MYL1: variants seen among roughly 807,000 people sequenced by gnomAD.
MYL1 encodes myosin light chain 1.
Under a neutral mutation model 21.8 loss-of-function variants are expected in MYL1, and 16 were observed. The ratio of observed to expected loss-of-function variants is 0.74; its 90% CI spans 0.50 to 1.12. The LOEUF (loss-of-function observed/expected upper bound fraction) is 1.12. Among genes scored for constraint, MYL1 ranks in the 50% most tolerant of loss-of-function variants. MYL1 has a pLI of 0.00. For synonymous variants in MYL1, 99 were observed against 85.2 expected, an observed-to-expected ratio of 1.16 and a Z score of -0.89; for missense variants, 246 against 241.0, an observed-to-expected ratio of 1.02 and a Z score of -0.14.
intron 1 of MYL1, among the ~76,000 whole-genome samples, chr2:210,307,680 T>A (rs1372784621): frequency 6.6e-6 from 1 of 152,176 alleles, no homozygotes; most frequent in Non-Finnish European, 1.5e-5. Context: ...TCAATTGATG[T>A]CGGATTTAGG....
At chr2:210,304,425 T>C (rs1690309394) in intron 1 of MYL1, among the ~76,000 whole-genome samples, 1 of 152,242 alleles carries the variant, frequency 6.6e-6, no homozygotes, top group Admixed American at 6.5e-5. Flanking sequence ...AAGTTCTTAC[T>C]AGATCATGCT....
intron 2 of MYL1, among the ~76,000 whole-genome samples, chr2:210,298,912 A>G (rs1003282346): frequency 3.3e-5 from 5 of 152,180 alleles, no homozygotes; most frequent in African/African-American, 7.2e-5. Flanking sequence ...AATCTCTCAT[A>G]TAATTAACAA....
At chr2:210,291,948 C>T (rs909514448) in intron 5 of MYL1, among the ~76,000 whole-genome samples, 10 of 152,162 alleles carry the variant, frequency 6.6e-5, no homozygotes, top group Non-Finnish European at 1.2e-4. Flanking sequence ...TAACAACATG[C>T]ATTCCCATCA....
At chr2:210,314,582 C>G (rs1369598568) in intron 1 of MYL1, among the ~76,000 whole-genome samples, 1 of 152,090 alleles carries the variant, frequency 6.6e-6, no homozygotes, top group African/African-American at 2.4e-5. Flanking sequence ...TATTTAAACC[C>G]AAACACTGGT....
intron 2 of MYL1, among the ~76,000 whole-genome samples, chr2:210,302,147 A>G (rs1690273123): frequency 2.0e-5 from 3 of 152,168 alleles, no homozygotes; most frequent in African/African-American, 7.2e-5. Flanking sequence ...TAAGGATTAT[A>G]TTAGCAATTT....
At position 210,298,486 on chromosome 2, in the gene MYL1, G is replaced by T. The variant is rs1309787392; in HGVS notation, c.238C>A (p.Arg80=). 5.0e-6 allele frequency: 8 copies of T among 1,614,022 alleles called. No individual in the cohort carries two copies. Among genetic ancestry groups the T allele is most frequent in the Non-Finnish European group, 6.8e-6 (8 of 1,180,002 alleles). ...TTGGTGGGATTTGTGCCCAGAGCTC[G>T]AAGGACATCACCGACCTGGCTTAAG... is the stretch of plus-strand genomic sequence containing the variant. ...ITLSQVGDVL[R]ALGTNPTNAE... Residue 80 remains arginine, a synonymous_variant, in exon 3 of 7, where the codon CGA becomes AGA. Coordinates refer to ENST00000352451, the MANE Select transcript of MYL1 (RefSeq NM_079420.3).
chr2:210,292,788 G>A (rs1159521123), intron 5 of MYL1, among the ~76,000 whole-genome samples: 4 of 152,102 alleles, frequency 2.6e-5, no homozygotes, highest in Non-Finnish European at 5.9e-5. Context: ...TTTGAAATTT[G>A]TCTTGGCATA....
rs879843700 is a variant in MYL1 at position 210,294,123 on chromosome 2, A to ATT, written c.478+120_478+121dup. 4 of 1,066,304 alleles carry ATT rather than the reference A, an allele frequency of 3.8e-6. No individual in the cohort carries two copies. The South Asian group carries it at 5.7e-5, about 15-fold the overall frequency. The allele number at this position is 1,066,304 out of a possible 1,614,324, so 66.1% of individuals were successfully genotyped here. On this transcript the variant is annotated intron_variant, in intron 4 of 6. Coordinates refer to ENST00000352451, the MANE Select transcript of MYL1 (RefSeq NM_079420.3). ...TTGAAATGGTCATTAACTTTTGACT[A>ATT]TTTTTTTTTCCCATTTTCCCTTTGT...
chr2:210,295,885 G>T (rs1348541139), intron 3 of MYL1, among the ~76,000 whole-genome samples: 1 of 150,984 alleles, frequency 6.6e-6, no homozygotes, highest in African/African-American at 2.4e-5. Flanking sequence ...CCTATTGCTT[G>T]CTCACTTTAT....
At chr2:210,302,576 A>G (rs762451272) in intron 1 of MYL1, 61 bp from the exon 2 acceptor site, 45 of 1,564,522 alleles carry the variant, frequency 2.9e-5, no homozygotes, top group Admixed American at 1.1e-4. Context: ...GCTGATTTTT[A>G]GTTGTATCCA....
intron 3 of MYL1, among the ~76,000 whole-genome samples, chr2:210,296,889 C>T (rs1690181476): frequency 1.3e-5 from 2 of 151,980 alleles, no homozygotes; most frequent in Non-Finnish European, 2.9e-5. Context: ...GTAGACTTAT[C>T]TTTCCATCCC....
chr2:210,307,514 A>G (rs1690355304), intron 1 of MYL1, among the ~76,000 whole-genome samples: 1 of 152,124 alleles, frequency 6.6e-6, no homozygotes, highest in Non-Finnish European at 1.5e-5. Flanking sequence ...TATTTGTAGC[A>G]CCTTCCTTTA....
Position 210,315,144 on chromosome 2 carries a change from C to T in MYL1, c.-102G>A, listed in dbSNP as rs1690477186. The T allele has an allele frequency of 7.1e-7, 1 of 1,418,400 alleles. No individual in the cohort carries two copies. Among genetic ancestry groups the T allele is most frequent in the Non-Finnish European group, 9.6e-7 (1 of 1,038,336 alleles). 87.9% of individuals were successfully genotyped at this position (1,418,400 alleles called of 1,614,324 possible). ...GAGTGGTGGTTGGGTTGATCCACAG[C>T]CCAGTGTCTTGAAGATGGACCCAGA... On this transcript the variant is annotated 5_prime_UTR_variant, in exon 1 of 7. Coordinates refer to ENST00000352451, the MANE Select transcript of MYL1 (RefSeq NM_079420.3).
At chr2:210,291,504 CTGGT>C (rs1278892100) in intron 5 of MYL1, among the ~76,000 whole-genome samples, 1 of 152,194 alleles carries the variant, frequency 6.6e-6, no homozygotes, top group Non-Finnish European at 1.5e-5. Context: ...TGCTAGGCAA[CTGGT>C]TCCCCTTTTT....
At chr2:210,301,029 G>T (rs966048362) in intron 2 of MYL1, among the ~76,000 whole-genome samples, 1 of 152,126 alleles carries the variant, frequency 6.6e-6, no homozygotes, top group Non-Finnish European at 1.5e-5. Flanking sequence ...TTCACAGATG[G>T]AATAAAAGGT....
intron 1 of MYL1, 27 bp from the exon 2 acceptor site, chr2:210,302,542 A>C: frequency 6.2e-7 from 1 of 1,605,306 alleles, no homozygotes; most frequent in Non-Finnish European, 8.5e-7. Flanking sequence ...GACCACAAAG[A>C]ATGTTTTAAC....
rs763993934 is a variant in MYL1 at position 210,302,484 on chromosome 2, T to C, written c.160+4A>G. ...CATTTAAGAACCATAGCTTTTAAACTTACCATCCTGCTGTTCCTTAGAGAA... is the reference window on the plus strand; with the variant it reads ...CATTTAAGAACCATAGCTTTTAAACCTACCATCCTGCTGTTCCTTAGAGAA... On this transcript the variant is annotated splice_donor_region_variant and intron_variant, in intron 2 of 6. Coordinates refer to ENST00000352451, the MANE Select transcript of MYL1 (RefSeq NM_079420.3). 1 of 1,608,668 alleles carries C rather than the reference T, an allele frequency of 6.2e-7. No homozygotes were observed. The highest frequency in any genetic ancestry group is 1.1e-5 in the South Asian group (1 of 89,894).
In MYL1 at chr2:210,299,018, T is replaced by G. The variant is rs1259772994; in HGVS notation, c.161-455A>C. Among the ~76,000 whole-genome samples, 16 of 152,192 alleles carry G rather than the reference T, an allele frequency of 1.1e-4. 1 individual carries two copies. The highest frequency in any genetic ancestry group is 1.0e-3 in the Admixed American group (16 of 15,272). On this transcript the variant is annotated intron_variant, in intron 2 of 6. Transcript: ENST00000352451. ...CAAATTATGTAGAAAAACCTCCTCT[T>G]GGGTACAAATTTCCTAGGTTATCCC...
At chr2:210,313,191 T>C (rs1281975814) in intron 1 of MYL1, among the ~76,000 whole-genome samples, 1 of 151,990 alleles carries the variant, frequency 6.6e-6, no homozygotes, top group Non-Finnish European at 1.5e-5. Flanking sequence ...CCTGTTTTCA[T>C]TAGTTAGATA....
Sources: gnomAD v4.1 joint callset for allele counts (sites outside exome capture counted in the v4.1 genomes callset) on GRCh38, gnomAD v4.1.1 for gene constraint, MANE v1.5 for transcripts, NCBI Gene and HGNC (gene_info 2026-07-23, HGNC 2026-07-21) for gene names.